The following TMEM38A variants were observed in gnomAD, a reference collection of about 807,000 sequenced individuals.
TMEM38A encodes transmembrane protein 38A.
Under a neutral mutation model 28.6 loss-of-function variants are expected in TMEM38A, and 17 were observed. The ratio of observed to expected loss-of-function variants is 0.60; its 90% confidence interval spans 0.41 to 0.89. The LOEUF (loss-of-function observed/expected upper bound fraction) is 0.89. TMEM38A is among the 40% of genes least tolerant of loss of function. TMEM38A has a pLI of 0.00. For synonymous variants in TMEM38A, 169 were observed against 166.1 expected, an observed-to-expected ratio of 1.02 and a Z score of -0.14; for missense variants, 328 against 393.1, an observed-to-expected ratio of 0.83 and a Z score of 1.40.
chr19:16,674,549 C>T (rs185594464), intron 1 of TMEM38A, among the ~76,000 whole-genome samples: 1 of 152,108 alleles, frequency 6.6e-6, no homozygotes, highest in Non-Finnish European at 1.5e-5. Context: ...CCTATAATCC[C>T]AGCACTTTGG....
In TMEM38A at chr19:16,661,206, C is replaced by A. The variant is rs769756591; in HGVS notation, c.-12C>A. 3 of 1,441,620 alleles carry A rather than the reference C, an allele frequency of 2.1e-6. No homozygotes were observed. The highest frequency in any genetic ancestry group is 1.8e-6 in the Non-Finnish European group (2 of 1,085,072). The allele number at this position is 1,441,620 out of a possible 1,614,324, so 89.3% of individuals were successfully genotyped here. A position where few individuals can be genotyped will look rare whatever the true frequency, so the allele number is the denominator to read the frequency against. ...CCCCGGGTGGCACCCGGCAGGCGGGCAGGCGGGCGCCATGGAGCTGCTCTC... is the reference window on the plus strand; with the variant it reads ...CCCCGGGTGGCACCCGGCAGGCGGGAAGGCGGGCGCCATGGAGCTGCTCTC... On this transcript the variant is annotated 5_prime_UTR_variant, in exon 1 of 6. Coordinates refer to ENST00000187762, the MANE Select transcript of TMEM38A (RefSeq NM_024074.4). This position sits in a 1 kb window ranked among gnomAD's most constrained non-coding sequence, Gnocchi z 6.5.
rs1473971822 is a variant in TMEM38A at position 16,679,966 on chromosome 19, C to T, written c.125-18C>T. On this transcript the variant is annotated intron_variant, in intron 1 of 5. Transcript: ENST00000187762. ...TTGGCATGCTGGTGATGATGGGGGA[C>T]ACTCCTGTGCCTCCCAGGAGCAGTC... 4 of 1,579,468 alleles carry T rather than the reference C, an allele frequency of 2.5e-6. No homozygotes were observed. The Admixed American group carries it at 5.2e-5, about 21-fold the overall frequency.
chr19:16,685,247 G>A (rs2086797207), intron 4 of TMEM38A, among the ~76,000 whole-genome samples: 1 of 151,802 alleles, frequency 6.6e-6, no homozygotes, highest in South Asian at 2.1e-4. Context: ...ATCAGCTGGC[G>A]TGGTGGCGGG....
chr19:16,664,269 T>C (rs914839999), intron 1 of TMEM38A, among the ~76,000 whole-genome samples: 4 of 149,170 alleles, frequency 2.7e-5, no homozygotes, highest in Admixed American at 1.3e-4. Context: ...TGCAAAAAAA[T>C]AGCCAGGTGT....
intron 2 of TMEM38A, 35 bp downstream of exon 2, chr19:16,680,175 G>T (rs769920107): frequency 6.3e-7 from 1 of 1,595,902 alleles, no homozygotes. Flanking sequence ...GCAGAGCCGG[G>T]TGGGGGAAAC....
chr19:16,685,189 C>T (rs1001243298), intron 4 of TMEM38A, among the ~76,000 whole-genome samples: 7 of 151,924 alleles, frequency 4.6e-5, no homozygotes, highest in African/African-American at 1.7e-4. Flanking sequence ...GAGTTCAAAA[C>T]CAGCCCGGCC....
chr19:16,665,890 C>A (rs1293518364), intron 1 of TMEM38A, among the ~76,000 whole-genome samples: 1 of 151,442 alleles, frequency 6.6e-6, no homozygotes, highest in African/African-American at 2.4e-5. Context: ...CTCACTGCAA[C>A]CTTCACCTCC....
At chr19:16,666,218 A>G (rs2086702478) in intron 1 of TMEM38A, among the ~76,000 whole-genome samples, 1 of 151,936 alleles carries the variant, frequency 6.6e-6, no homozygotes, top group Non-Finnish European at 1.5e-5. Flanking sequence ...TGACCTCGTG[A>G]TCCGCCCACC....
At chr19:16,681,754 A>G (rs916648436) in intron 3 of TMEM38A, among the ~76,000 whole-genome samples, 1 of 152,064 alleles carries the variant, frequency 6.6e-6, no homozygotes, top group Non-Finnish European at 1.5e-5. Context: ...AGCTGTGACA[A>G]CTCAAAGTGT....
At chr19:16,676,517 AGTT>A (rs1169997658) in intron 1 of TMEM38A, among the ~76,000 whole-genome samples, 1 of 152,182 alleles carries the variant, frequency 6.6e-6, no homozygotes, top group Non-Finnish European at 1.5e-5. Flanking sequence ...TTGATCATAA[AGTT>A]GTTCTCTGCA....
intron 1 of TMEM38A, among the ~76,000 whole-genome samples, chr19:16,674,027 A>G (rs1357127936): frequency 6.6e-6 from 1 of 152,044 alleles, no homozygotes; most frequent in Admixed American, 6.6e-5. Flanking sequence ...TTGAGGCTGC[A>G]GTGAGCTATG....
chr19:16,686,235 T>C (rs1192576852), intron 4 of TMEM38A, 53 bp from the exon 5 acceptor site: 3 of 1,410,644 alleles, frequency 2.1e-6, no homozygotes, highest in African/African-American at 1.4e-5. Flanking sequence ...GCCAGAGTTA[T>C]GAAGACTTGA....
intron 1 of TMEM38A, among the ~76,000 whole-genome samples, chr19:16,671,080 T>C (rs532492499): frequency 2.0e-5 from 3 of 151,794 alleles, no homozygotes; most frequent in Non-Finnish European, 4.4e-5. Flanking sequence ...TAGCCTAAGC[T>C]CACCCAGTCA....
chr19:16,678,886 T>C (rs575955661), intron 1 of TMEM38A, among the ~76,000 whole-genome samples: 5 of 151,774 alleles, frequency 3.3e-5, no homozygotes, highest in Admixed American at 2.0e-4. Context: ...CGGTGACTCA[T>C]GCCTGTAATC....
In TMEM38A at chr19:16,680,012, C is replaced by T. The variant is rs1222695619; in HGVS notation, c.153C>T (p.Pro51=). ...CAGTCGAACTGTCCCGGCGCCACCC[C>T]ATCGCGTCCTGGCTGTGCGCCATGC... ...PGAVELSRRH[P]IASWLCAMLH... The change falls in exon 2 of 6, where the codon CCC becomes CCT. Residue 51 remains proline, a synonymous_variant. Coordinates refer to ENST00000187762, the MANE Select transcript of TMEM38A (RefSeq NM_024074.4). 1 of 1,609,266 alleles carries T rather than the reference C, an allele frequency of 6.2e-7. No homozygotes were observed.
Position 16,688,576 on chromosome 19 carries a change from T to A in TMEM38A, c.*205T>A, listed in dbSNP as rs1254594883. On this transcript the variant is annotated 3_prime_UTR_variant, in exon 6 of 6. Transcript: ENST00000187762. ...TTTTGTAGAAATCGGGGTTCCCTCT[T>A]TCTCTCTGCCAGGACCCCATAGAGT... is the stretch of plus-strand genomic sequence containing the variant. 1.2e-5 allele frequency: 5 copies of A among 406,586 alleles called. No individual in the cohort carries two copies. The highest frequency in any genetic ancestry group is 1.7e-5 in the Non-Finnish European group (4 of 233,296). The allele number at this position is 406,586 out of a possible 1,614,324, so 25.2% of individuals were successfully genotyped here. A position where few individuals can be genotyped will look rare whatever the true frequency, so the allele number is the denominator to read the frequency against.
intron 1 of TMEM38A, among the ~76,000 whole-genome samples, chr19:16,666,057 T>C (rs1265063194): frequency 6.6e-6 from 1 of 152,040 alleles, no homozygotes; most frequent in Non-Finnish European, 1.5e-5. Context: ...CCCGGCTCAC[T>C]GCAACCTCCA....
chr19:16,661,466 A>G lies in TMEM38A; in HGVS notation c.124+125A>G. 1.2e-6 allele frequency: 1 copy of G among 804,358 alleles called. No homozygotes were observed. Among genetic ancestry groups the G allele is most frequent in the Non-Finnish European group, 1.8e-6 (1 of 565,434 alleles). The allele number at this position is 804,358 out of a possible 1,614,324, so 49.8% of individuals were successfully genotyped here. A position where few individuals can be genotyped will look rare whatever the true frequency, so the allele number is the denominator to read the frequency against. On this transcript the variant is annotated intron_variant, in intron 1 of 5. Transcript: ENST00000187762. The surrounding 1 kb of genome is among the most constrained non-coding windows in gnomAD (Gnocchi z 6.5). ...AGCGAGGGACAGGTTCAAGGATTGC[A>G]TCGTGGGAGTAGGCAGGCGCTAGAA...
At chr19:16,669,594 T>G (rs2086717848) in intron 1 of TMEM38A, among the ~76,000 whole-genome samples, 1 of 152,126 alleles carries the variant, frequency 6.6e-6, no homozygotes, top group Non-Finnish European at 1.5e-5. Flanking sequence ...AACTACAAGC[T>G]TTTTGAGGGC....
Sources: allele counts gnomAD v4.1 joint callset (sites outside exome capture counted in the v4.1 genomes callset), GRCh38; gene constraint gnomAD v4.1.1; non-coding constraint Gnocchi (gnomAD v3.1); transcripts MANE v1.5; gene names NCBI Gene and HGNC (gene_info 2026-07-23, HGNC 2026-07-21).